The following GRIN2A variants were observed in gnomAD, a reference collection of about 807,000 sequenced individuals.
GRIN2A encodes the protein glutamate receptor ionotropic, NMDA 2A.
Under a neutral mutation model 113.4 loss-of-function variants are expected in GRIN2A, and 22 were observed. The observed-to-expected ratio is 0.19, with a 90% CI of 0.14 to 0.28. The LOEUF (loss-of-function observed/expected upper bound fraction) is 0.28, where lower values mean the gene tolerates loss of function less well. Ranked by LOEUF, GRIN2A falls within the 10% of genes least tolerant of loss-of-function variation. GRIN2A has a pLI of 1.00. For missense variants in GRIN2A, 1,502 were observed against 1,887.0 expected (o/e 0.80, Z 3.78); for synonymous variants, 827 against 738.4 (o/e 1.12, Z -1.94).
intron 2 of GRIN2A, among the ~76,000 whole-genome samples, chr16:10,035,673 G>A (rs936000785): frequency 2.0e-5 from 3 of 148,766 alleles, no homozygotes; most frequent in African/African-American, 7.3e-5. Context: ...TGATGCTGAT[G>A]CTGCTGGTCC....
intron 2 of GRIN2A, among the ~76,000 whole-genome samples, chr16:10,095,623 T>C (rs2048273199): frequency 6.6e-6 from 1 of 152,208 alleles, no homozygotes; most frequent in Non-Finnish European, 1.5e-5. Context: ...ATATAGGAGC[T>C]ACATTGAAAG....
In GRIN2A at chr16:9,918,662, G is replaced by A. The variant is rs543080257; in HGVS notation, c.1007+19297C>T. 1.2e-4 allele frequency among the ~76,000 whole-genome samples: 18 copies of A among 152,238 alleles called. No individual in the cohort carries two copies. The South Asian group carries it at 3.5e-3, about 30-fold the overall frequency. ...GAAATTAAAGTCCAAAGTATCTTGTGCAAAAGTGTTTCTCAAATTCTTACT... is the reference window on the plus strand; with the variant it reads ...GAAATTAAAGTCCAAAGTATCTTGTACAAAAGTGTTTCTCAAATTCTTACT... On this transcript the variant is annotated intron_variant, in intron 3 of 12. Transcript: ENST00000330684.
intron 2 of GRIN2A, among the ~76,000 whole-genome samples, chr16:9,980,856 G>T (rs2045878968): frequency 9.5e-6 from 1 of 105,572 alleles, no homozygotes; most frequent in Non-Finnish European, 1.8e-5. Context: ...GGGGAGGGGG[G>T]AGGGACAGCA....
intron 2 of GRIN2A, among the ~76,000 whole-genome samples, chr16:10,106,473 T>C (rs1382260869): frequency 6.6e-6 from 1 of 152,078 alleles, no homozygotes; most frequent in Non-Finnish European, 1.5e-5. Context: ...CCCACCACTC[T>C]AGTACAACCA....
At chr16:10,048,907 C>A (rs2047307131) in intron 2 of GRIN2A, among the ~76,000 whole-genome samples, 3 of 152,162 alleles carry the variant, frequency 2.0e-5, no homozygotes, top group African/African-American at 4.8e-5. Flanking sequence ...GTTCTACAAG[C>A]CTCCTTCCTG....
intron 2 of GRIN2A, among the ~76,000 whole-genome samples, chr16:9,991,229 G>T (rs1031543296): frequency 1.6e-4 from 25 of 152,138 alleles, no homozygotes; most frequent in African/African-American, 6.0e-4. Context: ...CTTAATATCA[G>T]GTAGTATTAT....
rs573965146 is a variant in GRIN2A at position 10,176,615 on chromosome 16, C to T, written c.414+3383G>A. On this transcript the variant is annotated intron_variant, in intron 2 of 12. Transcript: ENST00000330684. ...AACGCAAGGACAAAAAACCAAACAC[C>T]GCATGTTCTCACTCATAGGTGGGAA... Among the ~76,000 whole-genome samples the T allele has an allele frequency of 4.7e-5, 7 of 148,410 alleles. No homozygotes were observed. In the East Asian group the frequency reaches 1.0e-3, roughly 21 times the overall value.
chr16:10,105,671 T>G (rs1169214479), intron 2 of GRIN2A, among the ~76,000 whole-genome samples: 1 of 151,936 alleles, frequency 6.6e-6, no homozygotes, highest in Admixed American at 6.6e-5. Flanking sequence ...GGAGGCTGAG[T>G]TGAGGTGGGC....
chr16:10,055,047 CAAAAAAA>C (rs71133304), intron 2 of GRIN2A, among the ~76,000 whole-genome samples: 4 of 10,386 alleles, frequency 3.9e-4, no homozygotes, highest in African/African-American at 4.5e-4. Context: ...GACTCTATCT[CAAAAAAA>C]AAAAAAAAAA....
intron 2 of GRIN2A, among the ~76,000 whole-genome samples, chr16:10,151,830 G>T (rs768199879): frequency 3.7e-4 from 56 of 152,164 alleles, no homozygotes; most frequent in Non-Finnish European, 6.8e-4. Context: ...ATAAACGAAA[G>T]AATCTGAGTC....
At chr16:9,979,515 C>A (rs1349331072) in intron 2 of GRIN2A, among the ~76,000 whole-genome samples, 1 of 152,030 alleles carries the variant, frequency 6.6e-6, no homozygotes, top group Non-Finnish European at 1.5e-5. Context: ...TCTGAGAGGC[C>A]TTTTCTTGCT....
chr16:10,120,377 G>A (rs1346115065), intron 2 of GRIN2A, among the ~76,000 whole-genome samples: 2 of 152,134 alleles, frequency 1.3e-5, no homozygotes, highest in East Asian at 3.9e-4. Context: ...ATAGTGCCAA[G>A]GTTAAATCTT....
At chr16:9,993,784 A>G (rs952158510) in intron 2 of GRIN2A, among the ~76,000 whole-genome samples, 1 of 152,040 alleles carries the variant, frequency 6.6e-6, no homozygotes, top group Non-Finnish European at 1.5e-5. Context: ...TCCAACCCCC[A>G]TTCGTAAAGA....
At chr16:10,131,772 T>C (rs1055850558) in intron 2 of GRIN2A, among the ~76,000 whole-genome samples, 1 of 152,186 alleles carries the variant, frequency 6.6e-6, no homozygotes. Context: ...GTAACACACT[T>C]GTGCCCCTGA....
intron 2 of GRIN2A, among the ~76,000 whole-genome samples, chr16:10,168,565 A>G (rs1017027020): frequency 6.6e-6 from 1 of 152,226 alleles, no homozygotes; most frequent in African/African-American, 2.4e-5. Context: ...TGTTAGCTCA[A>G]TCATATCCTG....
intron 3 of GRIN2A, among the ~76,000 whole-genome samples, chr16:9,920,388 C>T (rs2044336059): frequency 6.6e-6 from 1 of 152,128 alleles, no homozygotes; most frequent in South Asian, 2.1e-4. Context: ...CTCTCCCAGT[C>T]CTGCATTCAG....
intron 2 of GRIN2A, among the ~76,000 whole-genome samples, chr16:10,040,499 AC>A (rs1314964124): frequency 6.6e-6 from 1 of 151,812 alleles, no homozygotes; most frequent in African/African-American, 2.4e-5. Context: ...TTCACACCAC[AC>A]ATCCACACCA....
At chr16:9,797,887 G>C (rs1364645060) in intron 11 of GRIN2A, among the ~76,000 whole-genome samples, 1 of 152,082 alleles carries the variant, frequency 6.6e-6, no homozygotes, top group Admixed American at 6.5e-5. Context: ...CACTGAATGT[G>C]TCTCCAGGCA....
intron 4 of GRIN2A, among the ~76,000 whole-genome samples, chr16:9,867,585 C>T (rs1004623957): frequency 1.8e-4 from 28 of 152,212 alleles, no homozygotes; most frequent in Non-Finnish European, 7.3e-5. Context: ...TGACCTAAGA[C>T]CTCCAGTGGT....
Sources: allele counts gnomAD v4.1 joint callset (sites outside exome capture counted in the v4.1 genomes callset), GRCh38; gene constraint gnomAD v4.1.1; transcripts MANE v1.5; gene names NCBI Gene and HGNC (gene_info 2026-07-23, HGNC 2026-07-21).